Variants in ENPP1 observed in about 807,000 individuals in gnomAD.
ENPP1 encodes the protein ectonucleotide pyrophosphatase/phosphodiesterase 1.
A neutral mutation model predicts 122.8 loss-of-function variants in ENPP1; 73 were observed. That is an observed-to-expected ratio of 0.59 (90% CI 0.49 to 0.72). ENPP1 has a LOEUF of 0.72. ENPP1 is among the 30% of genes least tolerant of loss of function. ENPP1 has a pLI of 0.00. For missense variants in ENPP1, 978 were observed against 1,128.1 expected (o/e 0.87, Z 1.91); for synonymous variants, 367 against 391.6 (o/e 0.94, Z 0.74).
chr6:131,871,896 C>CTT (rs1368256759), intron 13 of ENPP1, among the ~76,000 whole-genome samples, 174 bp from the exon 14 acceptor site: 2 of 152,142 alleles, frequency 1.3e-5, no homozygotes, highest in African/African-American at 4.8e-5. Flanking sequence ...AGGGTGATCC[C>CTT]TAAAGGTCTG....
chr6:131,889,775 G>A (rs1782439694), intron 24 of ENPP1, among the ~76,000 whole-genome samples: 1 of 152,058 alleles, frequency 6.6e-6, no homozygotes, highest in South Asian at 2.1e-4. Flanking sequence ...CTGTATAATA[G>A]AATGATTTAT....
intron 1 of ENPP1, among the ~76,000 whole-genome samples, chr6:131,835,652 G>A (rs912118517): frequency 8.5e-5 from 13 of 152,102 alleles, no homozygotes; most frequent in African/African-American, 2.7e-4. Context: ...GTGGTTTCCC[G>A]TACAGATCAT....
At chr6:131,828,898 T>C (rs558094447) in intron 1 of ENPP1, among the ~76,000 whole-genome samples, 3 of 152,372 alleles carry the variant, frequency 2.0e-5, no homozygotes, top group Admixed American at 6.5e-5. Context: ...TTACTAGAAA[T>C]CCTCTGTTTA....
intron 15 of ENPP1, among the ~76,000 whole-genome samples, chr6:131,873,323 CAA>C (rs1321632024): frequency 1.3e-5 from 2 of 152,024 alleles, no homozygotes; most frequent in East Asian, 3.9e-4. Flanking sequence ...ATGTGACAAC[CAA>C]AAATGTCCGT....
In ENPP1 at chr6:131,890,370, A is replaced by C; in HGVS notation, c.2637A>C (p.Glu879Asp). 6.2e-7 allele frequency: 1 copy of C among 1,614,082 alleles called. No individual in the cohort carries two copies. The highest frequency in any genetic ancestry group is 8.5e-7 in the Non-Finnish European group (1 of 1,179,898). ...GGAAGCATGACTCCTCATGGGTTGA[A>C]GAATTGTTAATGTTACACAGAGCAC... is the stretch of plus-strand genomic sequence containing the variant. ...VHGKHDSSWV[E>D]ELLMLHRARI... The change falls in exon 25 of 25, where the codon GAA (glutamate) becomes GAC (aspartate). Residue 879 changes from glutamate to aspartate, a missense_variant. Around this residue, in one of 3 missense-constraint regions of ENPP1, gnomAD observed 644 missense variants for 781.5 expected, o/e 0.82. Coordinates refer to ENST00000647893, the MANE Select transcript of ENPP1 (RefSeq NM_006208.3).
intron 11 of ENPP1, among the ~76,000 whole-genome samples, chr6:131,867,233 CATATT>C (rs1782102699): frequency 6.6e-6 from 1 of 152,144 alleles, no homozygotes; most frequent in Non-Finnish European, 1.5e-5. Flanking sequence ...GAGCTTATCT[CATATT>C]ATAGTGAAAT....
chr6:131,826,001 T>G, intron 1 of ENPP1: 1 of 690,166 alleles, frequency 1.4e-6, no homozygotes. Context: ...TCTAAGCACG[T>G]CTGTAAATAT....
intron 1 of ENPP1, among the ~76,000 whole-genome samples, chr6:131,819,626 A>G (rs1337105517): frequency 6.6e-6 from 1 of 152,238 alleles, no homozygotes; most frequent in East Asian, 1.9e-4. Context: ...TCAGTCAGCC[A>G]GTTCCCTGCA....
intron 6 of ENPP1, among the ~76,000 whole-genome samples, chr6:131,856,428 AT>A (rs1286115393): frequency 1.3e-5 from 2 of 149,942 alleles, no homozygotes; most frequent in African/African-American, 5.0e-5. Flanking sequence ...ATTTTCTCCC[AT>A]TTTGTAGGTT....
chr6:131,828,273 G>C, intron 1 of ENPP1: 1 of 539,664 alleles, frequency 1.9e-6, no homozygotes. Context: ...ACCCTGCTCT[G>C]TGTCAGCTGG....
rs1190181549 is a variant in ENPP1, at chr6:131,878,598, G to A, written c.1945+5G>A. On this transcript the variant is annotated splice_donor_5th_base_variant and intron_variant, in intron 19 of 24. Transcript: ENST00000647893. The stretch of plus-strand genomic sequence containing the variant: ...TCAATCTGACTGTGGCAGAAGGTAA[G>A]GCATGCTACACACTCAAGCTCGGAA... 6.2e-7 allele frequency: 1 copy of A among 1,608,814 alleles called. No homozygotes were observed. The highest frequency in any genetic ancestry group is 1.3e-5 in the African/African-American group (1 of 74,790).
At chr6:131,834,265 T>C (rs1345407920) in intron 1 of ENPP1, among the ~76,000 whole-genome samples, 2 of 152,186 alleles carry the variant, frequency 1.3e-5, no homozygotes, top group Non-Finnish European at 2.9e-5. Context: ...TTGGTACTTA[T>C]TGAAACAAAA....
At chr6:131,808,309 G>A (rs1476253214) in intron 1 of ENPP1, 34 bp downstream of exon 1, 3 of 1,483,132 alleles carry the variant, frequency 2.0e-6, no homozygotes, top group Non-Finnish European at 2.7e-6. Flanking sequence ...CGCCCGGGAG[G>A]GCTGGGAGTA....
chr6:131,865,353 C>T (rs1388945452), intron 11 of ENPP1, among the ~76,000 whole-genome samples: 2 of 152,160 alleles, frequency 1.3e-5, no homozygotes, highest in Non-Finnish European at 2.9e-5. Context: ...CTTTGGCCAC[C>T]TGAGACCATG....
intron 1 of ENPP1, among the ~76,000 whole-genome samples, chr6:131,824,086 G>A (rs1006321127): frequency 2.0e-5 from 3 of 151,850 alleles, no homozygotes; most frequent in African/African-American, 7.3e-5. Context: ...ATGGTCAAAG[G>A]GAAAGTTTAC....
chr6:131,834,795 G>C (rs1231349412), intron 1 of ENPP1, among the ~76,000 whole-genome samples: 2 of 151,958 alleles, frequency 1.3e-5, no homozygotes, highest in African/African-American at 2.4e-5. Flanking sequence ...TCCTGACTTC[G>C]TGATCTGCCC....
intron 18 of ENPP1, chr6:131,877,866 AATATATATATATATAT>A (rs35142604): frequency 1.5e-4 from 8 of 53,022 alleles, no homozygotes; most frequent in Admixed American, 7.1e-4. Context: ...AAAAAAAAAA[AATATATATATATATAT>A]ATATATATAT....
In ENPP1 at chr6:131,849,999, G is replaced by A. The variant is rs763922486; in HGVS notation, c.323G>A (p.Cys108Tyr). The change falls in exon 3 of 25, where the codon TGC becomes TAC. Residue 108 changes from cysteine (C) to tyrosine (Y), a missense_variant. This residue lies in a region of ENPP1 where 330 missense variants were observed against 328.5 expected (regional missense o/e 1.00). Transcript: ENST00000647893. ...CGTTCAATTTTTTCAGTTAAAAGTT[G>A]CAAAGGTCGCTGTTTCGAGAGAACA... ...KPSCAKEVKS[C>Y]KGRCFERTFG... 25 of 1,612,966 alleles carry A rather than the reference G, an allele frequency of 1.5e-5. No homozygotes were observed. The highest frequency in any genetic ancestry group is 2.0e-5 in the Non-Finnish European group (23 of 1,179,078).
chr6:131,879,133 A>G (rs1203312649), intron 19 of ENPP1, among the ~76,000 whole-genome samples: 2 of 152,166 alleles, frequency 1.3e-5, no homozygotes. Flanking sequence ...TACTAGAATA[A>G]AGAGGTAAAT....
Sources: allele counts gnomAD v4.1 joint callset (sites outside exome capture counted in the v4.1 genomes callset), GRCh38; gene constraint gnomAD v4.1.1; regional missense constraint gnomAD v4.1.1; transcripts MANE v1.5; gene names NCBI Gene and HGNC (gene_info 2026-07-23, HGNC 2026-07-21).